Variants in KDM4B observed in about 807,000 individuals in gnomAD.
KDM4B encodes the protein lysine-specific demethylase 4B.
In KDM4B, 32 loss-of-function variants were observed where a neutral mutation model predicts 125.2. The ratio of observed to expected loss-of-function variants is 0.26; its 90% CI spans 0.19 to 0.34. The LOEUF (loss-of-function observed/expected upper bound fraction) is 0.34. Among genes scored for constraint, KDM4B ranks in the 10% least tolerant of loss-of-function variants. The pLI is 1.00. For missense variants in KDM4B, 1,190 were observed against 1,577.7 expected, an observed-to-expected ratio of 0.75 and a Z score of 4.16; for synonymous variants, 721 against 677.9, an observed-to-expected ratio of 1.06 and a Z score of -0.99.
chr19:5,022,623 C>T (rs550430475), intron 2 of KDM4B, among the ~76,000 whole-genome samples: 15 of 152,266 alleles, frequency 9.9e-5, no homozygotes, highest in East Asian at 1.9e-4. Flanking sequence ...CGGATGGTCC[C>T]GGGAGTTAGC....
chr19:4,991,431 CAGTG>C (rs1296911375), intron 1 of KDM4B, among the ~76,000 whole-genome samples: 1 of 152,162 alleles, frequency 6.6e-6, no homozygotes, highest in African/African-American at 2.4e-5. Flanking sequence ...CTGGGCAACA[CAGTG>C]AGACCCTGTC....
chr19:4,970,146 T>C (rs2034203680), intron 1 of KDM4B, among the ~76,000 whole-genome samples: 1 of 152,072 alleles, frequency 6.6e-6, no homozygotes, highest in Non-Finnish European at 1.5e-5. Context: ...GCCATGACAA[T>C]CAGGCAGGAC....
chr19:4,988,126 GTT>G (rs1235842871), intron 1 of KDM4B, among the ~76,000 whole-genome samples: 2 of 152,192 alleles, frequency 1.3e-5, no homozygotes, highest in Non-Finnish European at 2.9e-5. Flanking sequence ...CCTCCGTTCA[GTT>G]CACTCCTACC....
rs1197312105 is a variant in KDM4B at position 5,067,058 on chromosome 19, A to C, written c.627-3952A>C. On this transcript the variant is annotated intron_variant, in intron 6 of 22. Coordinates refer to ENST00000159111, the MANE Select transcript of KDM4B (RefSeq NM_015015.3). ...CCTCCAGGCAAGGCCAGGGGCCTGC[A>C]GTGGGTGCACCTGAGGGACCTGTGC... is the stretch of plus-strand genomic sequence containing the variant. 1.3e-5 allele frequency among the ~76,000 whole-genome samples: 2 copies of C among 152,108 alleles called. 1 individual carries two copies. Among genetic ancestry groups the C allele is most frequent in the African/African-American group, 4.8e-5 (2 of 41,418 alleles).
rs58219404 is a variant in KDM4B at position 5,035,880 on chromosome 19, T to TGTGTGTGTGTGCGC, written c.141+2850_141+2851insTGTGTGTGTGCGCG. Among the ~76,000 whole-genome samples the TGTGTGTGTGTGCGC allele has an allele frequency of 0.021, 2,806 of 136,342 alleles. 24 individuals are homozygous for TGTGTGTGTGTGCGC. Among genetic ancestry groups the TGTGTGTGTGTGCGC allele is most frequent in the Non-Finnish European group, 0.027 (1,688 of 62,264 alleles). The allele number at this position is 136,342 out of a possible 152,430, so 89.4% of individuals were successfully genotyped here. ...ACGTGTCTCTGTGTGTGTGTGTGTG[T>TGTGTGTGTGTGCGC]GCGCGCGCGCGCGCGCCTGCGCGCA... On this transcript the variant is annotated intron_variant, in intron 3 of 22. Transcript: ENST00000159111. The surrounding 1 kb of genome is among the most constrained non-coding windows in gnomAD (Gnocchi z 5.3).
chr19:5,032,145 G>T (rs1053276993), intron 2 of KDM4B, among the ~76,000 whole-genome samples: 1 of 152,180 alleles, frequency 6.6e-6, no homozygotes, highest in African/African-American at 2.4e-5. Flanking sequence ...GCTCCCGCCC[G>T]CAGCCTCCGT....
intron 1 of KDM4B, among the ~76,000 whole-genome samples, chr19:4,986,609 G>A (rs893475589): frequency 6.6e-6 from 1 of 152,248 alleles, no homozygotes; most frequent in South Asian, 2.1e-4. Context: ...CGAGGAAGAC[G>A]TGAGGACTGG....
chr19:5,132,886 G>A (rs1490036364), intron 13 of KDM4B, among the ~76,000 whole-genome samples: 1 of 152,222 alleles, frequency 6.6e-6, no homozygotes, highest in East Asian at 1.9e-4. Flanking sequence ...CCTTCCCTGG[G>A]CTCCGCTGGC....
intron 8 of KDM4B, among the ~76,000 whole-genome samples, chr19:5,079,362 C>T (rs1057019187): frequency 2.0e-5 from 3 of 152,144 alleles, no homozygotes; most frequent in Admixed American, 6.5e-5. Flanking sequence ...GGACAGACAC[C>T]GTGAGTGTGG....
rs749347672 is a variant in KDM4B, at chr19:5,131,539, G to C, written c.1779G>C (p.Glu593Asp). ...TGGAGACCAAAGCCCGGGCCGGAGA[G>C]GGGCAGGTGGGGTGGAGCGGGGGAG... is the stretch of plus-strand genomic sequence containing the variant. ...GRMETKARAG[E>D]GQAPSTFSKL... Residue 593 changes from glutamate (E) to aspartate (D), a missense_variant, in exon 12 of 23, where the codon GAG becomes GAC. Glu to Asp is a conservative substitution (Grantham distance 45). Transcript: ENST00000159111. 19 of 1,265,796 alleles carry C rather than the reference G, an allele frequency of 1.5e-5. No individual in the cohort carries two copies. The highest frequency in any genetic ancestry group is 1.9e-5 in the Non-Finnish European group (19 of 984,522). 78.4% of individuals were successfully genotyped at this position (1,265,796 alleles called of 1,614,324 possible).
chr19:5,094,383 CG>C (rs1261368060), intron 9 of KDM4B, among the ~76,000 whole-genome samples: 1 of 152,112 alleles, frequency 6.6e-6, no homozygotes, highest in Non-Finnish European at 1.5e-5. Flanking sequence ...CGTCAGAGGT[CG>C]GGGGCTGCAG....
intron 10 of KDM4B, chr19:5,113,063 C>T (rs2074819959): frequency 6.6e-6 from 1 of 152,308 alleles, no homozygotes; most frequent in South Asian, 2.1e-4. Context: ...GCGGAAGCCG[C>T]TGCGCTCACC....
rs769360203 is a variant in KDM4B, at chr19:5,144,234, C to T, written c.2737-14C>T. ...CCGCGCTGACCGCCCCCCACACCCTCCGCACCCTCCCAGGTCCAACTCCTG... is the reference window on the plus strand; with the variant it reads ...CCGCGCTGACCGCCCCCCACACCCTTCGCACCCTCCCAGGTCCAACTCCTG... On this transcript the variant is annotated splice_polypyrimidine_tract_variant and intron_variant, in intron 19 of 22. Transcript: ENST00000159111. 2 of 1,594,718 alleles carry T rather than the reference C, an allele frequency of 1.3e-6. No homozygotes were observed. The highest frequency in any genetic ancestry group is 1.7e-6 in the Non-Finnish European group (2 of 1,171,486).
intron 21 of KDM4B, among the ~76,000 whole-genome samples, chr19:5,149,262 G>A: frequency 6.6e-6 from 1 of 152,246 alleles, no homozygotes; most frequent in East Asian, 1.9e-4. Context: ...GTCTTACTGT[G>A]TGACTTTTAT....
intron 1 of KDM4B, among the ~76,000 whole-genome samples, chr19:4,996,784 G>GT (rs1005388627): frequency 6.6e-6 from 1 of 151,804 alleles, no homozygotes; most frequent in Non-Finnish European, 1.5e-5. Context: ...GATTTGGTAT[G>GT]TTTTTTTTCT....
chr19:5,120,304 G>A (rs1301039891), intron 11 of KDM4B, among the ~76,000 whole-genome samples: 2 of 152,226 alleles, frequency 1.3e-5, no homozygotes, highest in African/African-American at 4.8e-5. Flanking sequence ...GGGCAACAGA[G>A]CAAGACCCAG....
chr19:5,003,723 C>T (rs1165897299), intron 1 of KDM4B, among the ~76,000 whole-genome samples: 2 of 151,532 alleles, frequency 1.3e-5, no homozygotes, highest in African/African-American at 2.4e-5. Flanking sequence ...TTAGGAGAAT[C>T]GCTTGAACCC....
chr19:5,147,151 G>A (rs1278526997), intron 21 of KDM4B, among the ~76,000 whole-genome samples: 1 of 152,072 alleles, frequency 6.6e-6, no homozygotes, highest in Non-Finnish European at 1.5e-5. Context: ...TTACTCCAGA[G>A]ATCAGGCTGA....
chr19:5,110,169 T>G (rs2039112666), intron 9 of KDM4B, among the ~76,000 whole-genome samples: 1 of 152,072 alleles, frequency 6.6e-6, no homozygotes, highest in African/African-American at 2.4e-5. Flanking sequence ...TCCTGACTTG[T>G]GATAGAAGTT....
Sources: allele counts gnomAD v4.1 joint callset (sites outside exome capture counted in the v4.1 genomes callset), GRCh38; gene constraint gnomAD v4.1.1; non-coding constraint Gnocchi (gnomAD v3.1); transcripts MANE v1.5; gene names NCBI Gene and HGNC (gene_info 2026-07-23, HGNC 2026-07-21).